Variants in NSRP1 observed in about 807,000 individuals in gnomAD.
The protein encoded by NSRP1 is nuclear speckle splicing regulatory protein 1, also known as coiled-coil domain containing 55.
NSRP1 carries 24 observed loss-of-function variants against 54.7 expected under a neutral mutation model. That is an observed-to-expected ratio of 0.44 (90% CI 0.32 to 0.62). The LOEUF (loss-of-function observed/expected upper bound fraction) is 0.62. Ranked by LOEUF, NSRP1 falls within the 20% of genes least tolerant of loss-of-function variation. The pLI is 0.06. For missense variants in NSRP1, 596 were observed against 651.2 expected (o/e 0.92, Z 0.92); for synonymous variants, 210 against 213.8 (o/e 0.98, Z 0.15).
chr17:30,168,596 A>G (rs963727034), intron 2 of NSRP1, among the ~76,000 whole-genome samples: 1 of 141,380 alleles, frequency 7.1e-6, no homozygotes, highest in South Asian at 2.3e-4. Context: ...AATAATAGTA[A>G]TAATAATAAT....
At chr17:30,158,541 C>T (rs1597611803) in intron 2 of NSRP1, among the ~76,000 whole-genome samples, 1 of 152,106 alleles carries the variant, frequency 6.6e-6, no homozygotes, top group East Asian at 1.9e-4. Context: ...TTTGCCTCAA[C>T]CAGTGTCCCT....
chr17:30,162,732 A>G (rs1337787667), intron 2 of NSRP1, among the ~76,000 whole-genome samples: 2 of 152,104 alleles, frequency 1.3e-5, no homozygotes, highest in African/African-American at 4.8e-5. Flanking sequence ...AAAATTCAGA[A>G]CCCTTTACTA....
chr17:30,143,024 C>G (rs1259595035), intron 2 of NSRP1, among the ~76,000 whole-genome samples: 1 of 152,170 alleles, frequency 6.6e-6, no homozygotes, highest in African/African-American at 2.4e-5. Context: ...AGCTTTACTT[C>G]CAAATTTATG....
At chr17:30,161,614 A>C (rs1175820051) in intron 2 of NSRP1, among the ~76,000 whole-genome samples, 1 of 152,242 alleles carries the variant, frequency 6.6e-6, no homozygotes, top group Non-Finnish European at 1.5e-5. Flanking sequence ...GTATTGTAAG[A>C]CAGTTAGATT....
intron 2 of NSRP1, among the ~76,000 whole-genome samples, chr17:30,129,993 G>A (rs1375487713): frequency 1.3e-5 from 2 of 152,126 alleles, no homozygotes; most frequent in Non-Finnish European, 2.9e-5. Flanking sequence ...GGCTAAGAGT[G>A]AAAAAGCAAG....
intron 2 of NSRP1, among the ~76,000 whole-genome samples, chr17:30,154,887 T>A (rs1257947968): frequency 1.3e-5 from 2 of 152,110 alleles, no homozygotes; most frequent in Non-Finnish European, 2.9e-5. Flanking sequence ...TGGAAAAGTT[T>A]TAGATTTGGG....
At chr17:30,166,204 C>T (rs986385425) in intron 2 of NSRP1, among the ~76,000 whole-genome samples, 1 of 152,030 alleles carries the variant, frequency 6.6e-6, no homozygotes, top group Non-Finnish European at 1.5e-5. Context: ...AGAGAGAGAA[C>T]AGTTGTAGAC....
At chr17:30,142,932 T>C (rs2071819120) in intron 2 of NSRP1, among the ~76,000 whole-genome samples, 1 of 152,232 alleles carries the variant, frequency 6.6e-6, no homozygotes, top group Admixed American at 6.5e-5. Flanking sequence ...TTTTGAGTTA[T>C]TGTTTTATTT....
At chr17:30,173,871 G>C (rs560248951) in intron 3 of NSRP1, among the ~76,000 whole-genome samples, 1 of 152,270 alleles carries the variant, frequency 6.6e-6, no homozygotes, top group East Asian at 1.9e-4. Flanking sequence ...GGACGAATTG[G>C]CACAGAAGGA....
intron 2 of NSRP1, among the ~76,000 whole-genome samples, chr17:30,161,930 C>A (rs915404437): frequency 6.6e-6 from 1 of 151,854 alleles, no homozygotes; most frequent in South Asian, 2.1e-4. Flanking sequence ...TTTTTATTTT[C>A]ACCTCTTTAG....
chr17:30,148,026 T>C (rs926246349), intron 2 of NSRP1, among the ~76,000 whole-genome samples: 2 of 150,794 alleles, frequency 1.3e-5, no homozygotes, highest in African/African-American at 4.9e-5. Flanking sequence ...TTGGCCAGGC[T>C]CATCTTGCGA....
chr17:30,150,866 T>C (rs554812746), intron 2 of NSRP1, among the ~76,000 whole-genome samples: 1 of 151,888 alleles, frequency 6.6e-6, no homozygotes, highest in Admixed American at 6.6e-5. Context: ...TTTTGTATTT[T>C]TAGTAGAGAT....
intron 2 of NSRP1, among the ~76,000 whole-genome samples, chr17:30,134,004 T>C (rs1265679308): frequency 1.3e-5 from 2 of 152,364 alleles, no homozygotes; most frequent in Non-Finnish European, 2.9e-5. Context: ...AGCTTAATCA[T>C]TTCCAGCTTT....
At chr17:30,155,099 CT>C (rs964694009) in intron 2 of NSRP1, among the ~76,000 whole-genome samples, 1 of 151,112 alleles carries the variant, frequency 6.6e-6, no homozygotes, top group Non-Finnish European at 1.5e-5. Context: ...GATTTACTAC[CT>C]TTTTTTTTCT....
At chr17:30,145,793 A>G (rs926224081) in intron 2 of NSRP1, among the ~76,000 whole-genome samples, 1 of 151,806 alleles carries the variant, frequency 6.6e-6, no homozygotes, top group African/African-American at 2.4e-5. Flanking sequence ...ATTTCCGTAT[A>G]TCCGTGAATC....
intron 2 of NSRP1, chr17:30,144,618 T>C (rs948491003): frequency 6.6e-6 from 1 of 152,088 alleles, no homozygotes; most frequent in East Asian, 1.9e-4. Flanking sequence ...TATTTGCAAC[T>C]GTATGTGTAT....
intron 2 of NSRP1, among the ~76,000 whole-genome samples, chr17:30,159,043 G>A (rs1597612006): frequency 6.6e-6 from 1 of 152,258 alleles, no homozygotes; most frequent in South Asian, 2.1e-4. Context: ...TCTGTAGATT[G>A]CTTTTGGTAG....
chr17:30,154,227 G>A (rs1301831641), intron 2 of NSRP1, among the ~76,000 whole-genome samples: 5 of 151,938 alleles, frequency 3.3e-5, no homozygotes, highest in African/African-American at 9.7e-5. Flanking sequence ...AGGCTGAGGC[G>A]GGAGAATTGC....
At chr17:30,137,095 A>G (rs1477404145) in intron 2 of NSRP1, among the ~76,000 whole-genome samples, 1 of 152,176 alleles carries the variant, frequency 6.6e-6, no homozygotes, top group Non-Finnish European at 1.5e-5. Context: ...ATATAGTGGT[A>G]ATAGCAGGCA....
Sources: gnomAD v4.1 joint callset for allele counts (sites outside exome capture counted in the v4.1 genomes callset) on GRCh38, gnomAD v4.1.1 for gene constraint, MANE v1.5 for transcripts, NCBI Gene and HGNC (gene_info 2026-07-23, HGNC 2026-07-21) for gene names.